FAH: variants seen among roughly 807,000 people sequenced by gnomAD.
The protein encoded by FAH is fumarylacetoacetase.
FAH carries 47 observed loss-of-function variants against 55.8 expected under a neutral mutation model. The ratio of observed to expected loss-of-function variants is 0.84; its 90% CI spans 0.67 to 1.07. The LOEUF is 1.07. FAH is among the 50% of genes least tolerant of loss of function. The pLI, the probability that FAH is intolerant of heterozygous loss-of-function variation, is 0.00. For synonymous variants in FAH, 199 were observed against 207.7 expected (o/e 0.96, Z 0.36); for missense variants, 495 against 545.9 (o/e 0.91, Z 0.93).
At chr15:80,162,558 T>C (rs2041158468) in intron 5 of FAH, 3 of 600,726 alleles carry the variant, frequency 5.0e-6, no homozygotes, top group South Asian at 1.9e-5. Flanking sequence ...TTAAACTTCC[T>C]TGGACAGCAG....
chr15:80,155,607 AAG>A (rs1424618017), intron 1 of FAH, among the ~76,000 whole-genome samples: 1 of 152,122 alleles, frequency 6.6e-6, no homozygotes, highest in Non-Finnish European at 1.5e-5. Context: ...ACACAAGACA[AAG>A]AGATAAAGAG....
At chr15:80,153,187 G>C in intron 1 of FAH, 52 bp downstream of exon 1, 1 of 1,058,474 alleles carries the variant, frequency 9.4e-7, no homozygotes, top group Non-Finnish European at 1.4e-6. Flanking sequence ...GGAGTGGAGT[G>C]GAGTGGAGTG....
intron 13 of FAH, among the ~76,000 whole-genome samples, chr15:80,182,232 T>A (rs1267988960): frequency 6.6e-6 from 1 of 152,226 alleles, no homozygotes; most frequent in Non-Finnish European, 1.5e-5. Context: ...TGATAGCATT[T>A]AGAGCCCACC....
rs760749154 is a variant in FAH at position 80,162,296 on chromosome 15, A to G, written c.415A>G (p.Ile139Val). 4 of 1,614,238 alleles carry G rather than the reference A, an allele frequency of 2.5e-6. No individual in the cohort carries two copies. The highest frequency in any genetic ancestry group is 3.4e-6 in the Non-Finnish European group (4 of 1,180,046). ...SSRQHATNVG[I>V]MFRDKENALM... The stretch of plus-strand genomic sequence containing the variant: ...TCGGCAGCATGCTACCAACGTCGGA[A>G]TCATGTTCAGGGACAAGGAGAATGC... The change falls in exon 5 of 14, where the codon ATC becomes GTC. Residue 139 changes from isoleucine to valine, a missense_variant. Transcript: ENST00000561421.
intron 5 of FAH, among the ~76,000 whole-genome samples, chr15:80,164,881 T>C (rs890800728): frequency 6.6e-6 from 1 of 152,256 alleles, no homozygotes; most frequent in Non-Finnish European, 1.5e-5. Flanking sequence ...AGGTTACACA[T>C]GCATGACCAC....
At chr15:80,173,335 T>A in intron 9 of FAH, 191 bp downstream of exon 9, 1 of 729,458 alleles carries the variant, frequency 1.4e-6, no homozygotes. Flanking sequence ...TCATTCTCCC[T>A]TGTGGTTTCC....
intron 5 of FAH, 61 bp from the exon 6 acceptor site, chr15:80,167,988 TTAA>T: frequency 1.5e-6 from 2 of 1,379,110 alleles, no homozygotes; most frequent in Non-Finnish European, 2.1e-6. Flanking sequence ...TTTGAAGTTT[TTAA>T]AGTTAATTGA....
chr15:80,162,727 T>TTG, intron 5 of FAH: 1 of 315,500 alleles, frequency 3.2e-6, no homozygotes, highest in Non-Finnish European at 6.2e-6. Context: ...GTGCTGTATA[T>TTG]TCCTCAACAT....
chr15:80,168,798 T>C (rs1055729688), intron 7 of FAH, among the ~76,000 whole-genome samples: 1 of 152,244 alleles, frequency 6.6e-6, no homozygotes, highest in African/African-American at 2.4e-5. Flanking sequence ...TGCCGTCTAG[T>C]GTCCCTAGCA....
intron 10 of FAH, among the ~76,000 whole-genome samples, chr15:80,175,802 G>A (rs1044606564): frequency 3.9e-5 from 6 of 152,234 alleles, no homozygotes; most frequent in African/African-American, 9.6e-5. Context: ...TAATAGCGGC[G>A]TTGACCTCAT....
At chr15:80,158,373 C>A (rs2041118349) in intron 2 of FAH, among the ~76,000 whole-genome samples, 1 of 152,214 alleles carries the variant, frequency 6.6e-6, no homozygotes, top group Non-Finnish European at 1.5e-5. Context: ...TGGCTTCTCA[C>A]CTCAGGGCGA....
intron 7 of FAH, 96 bp downstream of exon 7, chr15:80,168,412 C>T (rs2142098328): frequency 7.9e-7 from 1 of 1,258,698 alleles, no homozygotes; most frequent in Non-Finnish European, 1.2e-6. Flanking sequence ...CGCCCACTCC[C>T]CTCCTCTTCA....
intron 3 of FAH, 144 bp from the exon 4 acceptor site, chr15:80,160,266 T>G (rs1322815341): frequency 6.0e-6 from 5 of 827,728 alleles, no homozygotes; most frequent in Non-Finnish European, 1.0e-5. Flanking sequence ...CTGTGAAAGG[T>G]TCAGCATAGC....
intron 1 of FAH, chr15:80,155,919 C>A (rs1815982394): frequency 2.1e-6 from 1 of 478,588 alleles, no homozygotes; most frequent in Non-Finnish European, 4.1e-6. Flanking sequence ...CTATCTACTA[C>A]AAACTTCAAA....
At chr15:80,180,733 G>T (rs1488184917) in intron 12 of FAH, among the ~76,000 whole-genome samples, 1 of 152,144 alleles carries the variant, frequency 6.6e-6, no homozygotes, top group Non-Finnish European at 1.5e-5. Flanking sequence ...CGATATCTGG[G>T]CAAACTGCAG....
intron 13 of FAH, among the ~76,000 whole-genome samples, chr15:80,183,928 G>A (rs1420442372): frequency 6.6e-6 from 1 of 152,204 alleles, no homozygotes; most frequent in African/African-American, 2.4e-5. Context: ...GCTGTGCTCT[G>A]AACCCTTGTG....
chr15:80,180,947 C>CA, intron 12 of FAH, 95 bp from the exon 13 acceptor site: 1 of 1,003,446 alleles, frequency 1.0e-6, no homozygotes, highest in South Asian at 1.3e-5. Flanking sequence ...GGCCCCCTGC[C>CA]ACTTCTCGGG....
At chr15:80,155,801 C>T (rs758783253) in intron 1 of FAH, 34 of 441,938 alleles carry the variant, frequency 7.7e-5, no homozygotes, top group Non-Finnish European at 1.4e-4. Context: ...GGGCTCTTCC[C>T]TCTAAGGTAG....
chr15:80,183,897 A>G (rs563208983), intron 13 of FAH, among the ~76,000 whole-genome samples: 15 of 152,348 alleles, frequency 9.8e-5, no homozygotes, highest in South Asian at 6.2e-4. Flanking sequence ...GGGTTTGAAC[A>G]CAGGCAGTTG....
Sources: allele counts gnomAD v4.1 joint callset (sites outside exome capture counted in the v4.1 genomes callset), GRCh38; gene constraint gnomAD v4.1.1; transcripts MANE v1.5; gene names NCBI Gene and HGNC (gene_info 2026-07-23, HGNC 2026-07-21).